COL12A1: variants seen among roughly 807,000 people sequenced by gnomAD.
COL12A1 encodes the protein collagen type XII alpha 1 chain.
COL12A1 carries 114 observed loss-of-function variants against 349.7 expected under a neutral mutation model. The ratio of observed to expected loss-of-function variants is 0.33; its 90% CI spans 0.28 to 0.38. The LOEUF (loss-of-function observed/expected upper bound fraction) is 0.38, where lower values mean the gene tolerates loss of function less well. COL12A1 is among the 10% of genes least tolerant of loss of function. The pLI is 1.00. For synonymous variants in COL12A1, 1,369 were observed against 1,329.0 expected, an observed-to-expected ratio of 1.03 and a Z score of -0.66; for missense variants, 3,284 against 3,756.9, an observed-to-expected ratio of 0.87 and a Z score of 3.29.
At chr6:75,168,280 A>G (rs979231041) in intron 13 of COL12A1, among the ~76,000 whole-genome samples, 1 of 152,258 alleles carries the variant, frequency 6.6e-6, no homozygotes, top group Non-Finnish European at 1.5e-5. Flanking sequence ...CATTACAACC[A>G]GGAATTTTGA....
In COL12A1 at chr6:75,135,158, G is replaced by A. The variant is rs567113657; in HGVS notation, c.5395-303C>T. Among the ~76,000 whole-genome samples the A allele has an allele frequency of 1.1e-4, 16 of 151,728 alleles. No individual in the cohort carries two copies. In the East Asian group the frequency reaches 2.0e-3, roughly 18 times the overall value. On this transcript the variant is annotated intron_variant, in intron 31 of 65. Coordinates refer to ENST00000322507, the MANE Select transcript of COL12A1 (RefSeq NM_004370.6). ...TTTCACAGAACTCTTCAAAAAAAAA[G>A]GGGGCGGGGGGGACTAATCATAAGT...
intron 20 of COL12A1, among the ~76,000 whole-genome samples, chr6:75,151,545 C>T (rs1046326954): frequency 2.6e-5 from 4 of 152,102 alleles, no homozygotes; most frequent in African/African-American, 9.7e-5. Flanking sequence ...AGACTCTCTT[C>T]AGTGTTTTTT....
Position 75,124,337 on chromosome 6 carries a change from C to G in COL12A1, c.6642G>C (p.Gln2214His). ...TGACACAGAATGTATCCCACCCAAT[C>G]TGGTAAGTTTTCAGATCTGTTACAT... ...YLNVTDLKTY[Q>H]IGWDTFCVKW... Residue 2214 changes from glutamine to histidine, a missense_variant, in exon 41 of 66, where the codon CAG becomes CAC. By Grantham distance (24) the Gln-to-His change is conservative (BLOSUM62 0). Coordinates refer to ENST00000322507, the MANE Select transcript of COL12A1 (RefSeq NM_004370.6). The G allele has an allele frequency of 6.2e-7, 1 of 1,613,022 alleles. No homozygotes were observed. The highest frequency in any genetic ancestry group is 8.5e-7 in the Non-Finnish European group (1 of 1,179,470).
rs74783404 is a variant in COL12A1, at chr6:75,185,965, C to G, written c.998-1821G>C. 2.6e-5 allele frequency among the ~76,000 whole-genome samples: 4 copies of G among 152,136 alleles called. No individual in the cohort carries two copies. In the East Asian group the frequency reaches 7.7e-4, roughly 29 times the overall value. On this transcript the variant is annotated intron_variant, in intron 8 of 65. Transcript: ENST00000322507. The stretch of plus-strand genomic sequence containing the variant: ...TCCTTAGACCACAGACAAAAATTAA[C>G]TCAAGATGGATTACAGACTTAAATG...
Position 75,137,480 on chromosome 6 carries a change from C to T in COL12A1, c.5351G>A (p.Arg1784Lys). The T allele has an allele frequency of 6.2e-7, 1 of 1,613,422 alleles. No homozygotes were observed. The highest frequency in any genetic ancestry group is 1.1e-5 in the South Asian group (1 of 90,966). The change falls in exon 31 of 66, where the codon AGG becomes AAG. Residue 1784 changes from arginine to lysine, a missense_variant. By Grantham distance (26) the Arg-to-Lys change is conservative (BLOSUM62 2). Transcript: ENST00000322507. ...DPASGRVQKY[R>K]ITYQPSTGEG... ...CCCTGTGGAAGGCTGATAAGTGATC[C>T]TATATTTCTGCACACGACCACTAGC...
intron 49 of COL12A1, 71 bp downstream of exon 49, chr6:75,115,713 G>T (rs759271254): frequency 2.0e-4 from 311 of 1,521,628 alleles, no homozygotes; most frequent in Non-Finnish European, 2.7e-4. Flanking sequence ...AGGATTCTGG[G>T]AAGTCAGCAA....
At chr6:75,152,711 A>G (rs1417170446) in intron 17 of COL12A1, among the ~76,000 whole-genome samples, 1 of 152,162 alleles carries the variant, frequency 6.6e-6, no homozygotes, top group East Asian at 1.9e-4. Context: ...TCAGTGGCCA[A>G]TCTTTCCTTT....
At chr6:75,187,805 T>C (rs1769713860) in intron 8 of COL12A1, among the ~76,000 whole-genome samples, 1 of 152,148 alleles carries the variant, frequency 6.6e-6, no homozygotes, top group Admixed American at 6.6e-5. Flanking sequence ...TGAAATGTCT[T>C]TTCTTTCTCC....
chr6:75,123,444 G>A, intron 42 of COL12A1, 40 bp from the exon 43 acceptor site: 13 of 1,450,196 alleles, frequency 9.0e-6, no homozygotes, highest in Non-Finnish European at 1.2e-5. Context: ...CACACCATGT[G>A]CACATTTGAT....
chr6:75,121,181 A>T, intron 44 of COL12A1, 121 bp downstream of exon 44: 1 of 879,820 alleles, frequency 1.1e-6, no homozygotes, highest in Admixed American at 3.2e-5. Context: ...AATAAAAGAA[A>T]TAGCAAATAG....
chr6:75,139,774 T>C (rs1003902266), intron 27 of COL12A1, among the ~76,000 whole-genome samples: 1 of 152,324 alleles, frequency 6.6e-6, no homozygotes, highest in East Asian at 1.9e-4. Flanking sequence ...ACTGAACACC[T>C]GGAGACCCAA....
intron 8 of COL12A1, among the ~76,000 whole-genome samples, chr6:75,184,670 G>A (rs1031131193): frequency 6.6e-6 from 1 of 152,078 alleles, no homozygotes; most frequent in African/African-American, 2.4e-5. Context: ...ATTTTCACTA[G>A]TTTCAGGGTA....
intron 34 of COL12A1, among the ~76,000 whole-genome samples, chr6:75,133,074 C>T (rs992018834): frequency 6.6e-6 from 1 of 152,158 alleles, no homozygotes; most frequent in African/African-American, 2.4e-5. Context: ...TGTACCTTTA[C>T]AAATCTTGAA....
At chr6:75,112,594 G>A (rs547793901) in intron 51 of COL12A1, among the ~76,000 whole-genome samples, 1 of 151,692 alleles carries the variant, frequency 6.6e-6, no homozygotes, top group Non-Finnish European at 1.5e-5. Context: ...TCCCTAGAAT[G>A]CATCTTAGAA....
intron 44 of COL12A1, among the ~76,000 whole-genome samples, chr6:75,120,164 C>A (rs1466546303): frequency 6.6e-6 from 1 of 151,910 alleles, no homozygotes; most frequent in Admixed American, 6.6e-5. Context: ...TTTAGAAATA[C>A]AAATTCCTAA....
At position 75,146,132 on chromosome 6, in the gene COL12A1, A is replaced by C. The variant is rs1297568165; in HGVS notation, c.4530T>G (p.Val1510=). Residue 1510 remains valine, a synonymous_variant, in exon 24 of 66, where the codon GTT becomes GTG. Coordinates refer to ENST00000322507, the MANE Select transcript of COL12A1 (RefSeq NM_004370.6). ...TGGGTCTTGTTGGCTCTGTGTCCTT[A>C]ACAGGTTTGTATGACAAGATGTAGC... The part of the protein sequence containing the change: ...ATGYILSYKP[V]KDTEPTRPKE... 8 of 1,611,186 alleles carry C rather than the reference A, an allele frequency of 5.0e-6. No homozygotes were observed. Among genetic ancestry groups the C allele is most frequent in the Non-Finnish European group, 6.8e-6 (8 of 1,178,998 alleles).
chr6:75,170,828 T>G (rs1029097329), intron 13 of COL12A1, among the ~76,000 whole-genome samples: 1 of 152,312 alleles, frequency 6.6e-6, no homozygotes, highest in Non-Finnish European at 1.5e-5. Context: ...GCAGAATTCC[T>G]GAGATGTGCT....
At chr6:75,146,618 A>C (rs1265597262) in intron 23 of COL12A1, among the ~76,000 whole-genome samples, 1 of 152,208 alleles carries the variant, frequency 6.6e-6, no homozygotes, top group Non-Finnish European at 1.5e-5. Flanking sequence ...ATATGTAATC[A>C]ACACTATTTT....
At chr6:75,152,918 A>G (rs1021910205) in intron 17 of COL12A1, among the ~76,000 whole-genome samples, 3 of 152,188 alleles carry the variant, frequency 2.0e-5, no homozygotes, top group African/African-American at 7.2e-5. Context: ...TTCTTCTGCA[A>G]TATTTAATGG....
Sources: allele counts gnomAD v4.1 joint callset (sites outside exome capture counted in the v4.1 genomes callset), GRCh38; gene constraint gnomAD v4.1.1; transcripts MANE v1.5; gene names NCBI Gene and HGNC (gene_info 2026-07-23, HGNC 2026-07-21).